LRRC27: variants seen among roughly 807,000 people sequenced by gnomAD.
The protein encoded by LRRC27 is leucine rich repeat containing 27.
Under a neutral mutation model 55.0 loss-of-function variants are expected in LRRC27, and 57 were observed. The ratio of observed to expected loss-of-function variants is 1.04; its 90% CI spans 0.84 to 1.29. The LOEUF is 1.29. LRRC27 is among the 50% of genes most tolerant of loss of function. The probability of loss-of-function intolerance (pLI) is 0.00; values close to 1 mark genes in which losing one functional copy is unlikely to be tolerated. For synonymous variants in LRRC27, 278 were observed against 251.9 expected, an observed-to-expected ratio of 1.10 and a Z score of -0.98; for missense variants, 721 against 651.5, an observed-to-expected ratio of 1.11 and a Z score of -1.16.
chr10:132,375,129 C>T lies in LRRC27; in HGVS notation c.1480C>T (p.Arg494Ter), dbSNP rs199929957. ...GGGATTAACCTTGAACAAAGATCGT[C>T]GACGGGCGGCCCTCACTGGAAACCT... ...KLGLTLNKDR[R>*]RAALTGNLSL... The change falls in exon 11 of 11, where the codon CGA becomes TGA. Residue 494 changes from arginine (R) to a stop codon, truncating the protein, a stop_gained. Transcript: ENST00000368614. LOFTEE classifies it low-confidence loss of function (END_TRUNC). The T allele has an allele frequency of 1.8e-5, 29 of 1,613,986 alleles. No individual in the cohort carries two copies. The highest frequency in any genetic ancestry group is 9.3e-5 in the African/African-American group (7 of 74,932).
chr10:132,345,282 A>C (rs2067624184), intron 5 of LRRC27, among the ~76,000 whole-genome samples: 1 of 152,238 alleles, frequency 6.6e-6, no homozygotes. Flanking sequence ...AGAATATTTA[A>C]AATTTTACTA....
upstream of LRRC27, chr10:132,331,484 C>T (rs2066735612): frequency 1.2e-6 from 2 of 1,612,866 alleles, no homozygotes; most frequent in South Asian, 2.2e-5. Context: ...AGCCTTACTT[C>T]TCCAAAGAGG....
At chr10:132,347,405 C>T (rs568032892) in intron 5 of LRRC27, among the ~76,000 whole-genome samples, 3 of 142,192 alleles carry the variant, frequency 2.1e-5, no homozygotes, top group Admixed American at 7.0e-5. Flanking sequence ...GAAGGTCAGG[C>T]GTGTCTCATG....
chr10:132,365,574 A>T (rs1216500672), intron 10 of LRRC27, 24 bp downstream of exon 10: 18 of 1,608,716 alleles, frequency 1.1e-5, no homozygotes, highest in Non-Finnish European at 1.4e-5. Context: ...GGTTCTGTTT[A>T]AAAAAGTGTG....
At chr10:132,362,227 C>T (rs1040584164) in intron 9 of LRRC27, among the ~76,000 whole-genome samples, 10 of 152,116 alleles carry the variant, frequency 6.6e-5, no homozygotes, top group African/African-American at 1.4e-4. Context: ...TTGTCATCCC[C>T]GGGAAAGGCA....
chr10:132,364,843 C>CT (rs1564855237), intron 9 of LRRC27, among the ~76,000 whole-genome samples: 2 of 115,378 alleles, frequency 1.7e-5, no homozygotes, highest in African/African-American at 2.9e-5. Context: ...CACGCCCACA[C>CT]CCTGGGGCCC....
At chr10:132,330,237 A>G, upstream of LRRC27, 2 of 556,860 alleles carry the variant, frequency 3.6e-6, no homozygotes, top group Non-Finnish European at 6.5e-6. Flanking sequence ...AGCATGAAAA[A>G]TGTGAAACAA....
In LRRC27 at chr10:132,333,554, C is replaced by A; in HGVS notation, c.30C>A (p.Pro10=). The A allele has an allele frequency of 6.2e-7, 1 of 1,609,888 alleles. No individual in the cohort carries two copies. Among genetic ancestry groups the A allele is most frequent in the Non-Finnish European group, 8.5e-7 (1 of 1,178,562 alleles). The change falls in exon 2 of 11, where the codon CCC becomes CCA. Residue 10 remains proline (P), a synonymous_variant. Transcript: ENST00000368614. The part of the protein sequence containing the change: MEGSSSYEV[P]SVAAADLEEG... ...AGGGAAGCAGCTCCTACGAAGTTCC[C>A]TCTGTGGCTGCTGCTGATCTGGAGG...
chr10:132,348,337 A>C lies in LRRC27; in HGVS notation c.907A>C (p.Lys303Gln), dbSNP rs758714604. Reference sequence around the variant, plus strand: ...CTTGAACATTGAGAAAGAACTACCAAAGCCAAGACACGTTTTCAGGTAAAA... The same window carrying C: ...CTTGAACATTGAGAAAGAACTACCACAGCCAAGACACGTTTTCAGGTAAAA... ...AALNIEKELP[K>Q]PRHVFRRKTA... is the part of the protein sequence containing the mutation. Residue 303 changes from lysine (K) to glutamine (Q), a missense_variant, in exon 6 of 11, where the codon AAG (lysine) becomes CAG (glutamine). By Grantham distance (53) the Lys-to-Gln change is moderately conservative. Coordinates refer to ENST00000368614, the MANE Select transcript of LRRC27 (RefSeq NM_030626.3). The surrounding 1 kb of genome is among the most constrained non-coding windows in gnomAD (Gnocchi z 4.2). The C allele has an allele frequency of 6.2e-7, 1 of 1,610,298 alleles. No homozygotes were observed. Among genetic ancestry groups the C allele is most frequent in the South Asian group, 1.1e-5 (1 of 91,012 alleles).
chr10:132,348,236 T>C lies in LRRC27; in HGVS notation c.806T>C (p.Ile269Thr), dbSNP rs2067819793. 1 of 1,613,996 alleles carries C rather than the reference T, an allele frequency of 6.2e-7. No homozygotes were observed. Among genetic ancestry groups the C allele is most frequent in the Non-Finnish European group, 8.5e-7 (1 of 1,180,018 alleles). ...IRRFWKLRQE[I>T]VEHVKADVLG... ...CGCTTTTGGAAGCTGAGGCAGGAGA[T>C]TGTTGAGCACGTGAAGGCAGACGTT... Residue 269 changes from isoleucine (I) to threonine (T), a missense_variant, in exon 6 of 11, where the codon ATT becomes ACT. Transcript: ENST00000368614. This position sits in a 1 kb window ranked among gnomAD's most constrained non-coding sequence, Gnocchi z 4.2.
At chr10:132,336,315 GCACACCCATATACGTGGGGGCA>G (rs931694108) in intron 2 of LRRC27, among the ~76,000 whole-genome samples, 4 of 152,336 alleles carry the variant, frequency 2.6e-5, no homozygotes, top group African/African-American at 4.8e-5. Context: ...TGTGGGGGGT[GCACACCCATATACGTGGGGGCA>G]CACACTGTGA....
Position 132,344,491 on chromosome 10 carries a change from A to T in LRRC27, c.401-7A>T, listed in dbSNP as rs755493687. The T allele has an allele frequency of 1.2e-6, 2 of 1,603,132 alleles. No individual in the cohort carries two copies. Among genetic ancestry groups the T allele is most frequent in the Admixed American group, 1.7e-5 (1 of 58,588 alleles). On this transcript the variant is annotated splice_region_variant and splice_polypyrimidine_tract_variant and intron_variant, in intron 4 of 10. Transcript: ENST00000368614. Reference sequence around the variant, plus strand: ...AATGCTGACAGTTTTTTTTTCCTCCACTGCAGGGAGCGTAACCACGCTGAA... The same window carrying T: ...AATGCTGACAGTTTTTTTTTCCTCCTCTGCAGGGAGCGTAACCACGCTGAA...
chr10:132,372,266 AG>A lies in LRRC27; in HGVS notation c.1417-2799del, dbSNP rs2069237150. On this transcript the variant is annotated intron_variant, in intron 10 of 10. Coordinates refer to ENST00000368614, the MANE Select transcript of LRRC27 (RefSeq NM_030626.3). The surrounding 1 kb of genome is among the most constrained non-coding windows in gnomAD (Gnocchi z 4.0). ...AGCACAGGAAGACAAAACCAACCAC[AG>A]AAGGATGGGAAGTGGGGGTCGGGGT... 6.6e-6 allele frequency among the ~76,000 whole-genome samples: 1 copy of A among 151,056 alleles called. No individual in the cohort carries two copies.
At chr10:132,362,858 C>T (rs1351691405) in intron 9 of LRRC27, among the ~76,000 whole-genome samples, 1 of 143,834 alleles carries the variant, frequency 7.0e-6, no homozygotes, top group Non-Finnish European at 1.5e-5. Context: ...GGTTCATGAA[C>T]CCTCTCACCT....
At chr10:132,364,471 TTA>T (rs1171420988) in intron 9 of LRRC27, among the ~76,000 whole-genome samples, 28 of 41,812 alleles carry the variant, frequency 6.7e-4, no homozygotes, top group Admixed American at 1.6e-3. Flanking sequence ...CCACCCACAC[TTA>T]CACCCACCCA....
At chr10:132,352,452 T>C in intron 7 of LRRC27, among the ~76,000 whole-genome samples, 1 of 53,072 alleles carries the variant, frequency 1.9e-5, no homozygotes, top group African/African-American at 7.7e-5. Context: ...CAGCGCTCCG[T>C]GTGGGGCAGG....
At position 132,365,689 on chromosome 10, in the gene LRRC27, C is replaced by T. The variant is rs112510534; in HGVS notation, c.1416+139C>T. ...CAATCTCGGCTCCCTGCAGCCTCCA[C>T]CTCCCAGGTTCAAGCGATTCTCCTG... On this transcript the variant is annotated intron_variant, in intron 10 of 10. Coordinates refer to ENST00000368614, the MANE Select transcript of LRRC27 (RefSeq NM_030626.3). 4.5e-3 allele frequency: 4,804 copies of T among 1,059,446 alleles called. 27 individuals carry two copies. The highest frequency in any genetic ancestry group is 5.6e-3 in the Non-Finnish European group (4,246 of 756,132). 65.6% of individuals were successfully genotyped at this position (1,059,446 alleles called of 1,614,324 possible).
At chr10:132,357,561 TG>T (rs1380511543) in intron 8 of LRRC27, among the ~76,000 whole-genome samples, 9 of 152,092 alleles carry the variant, frequency 5.9e-5, no homozygotes, top group Non-Finnish European at 1.2e-4. Flanking sequence ...CAGCACAAGT[TG>T]TAGGACAGTG....
At chr10:132,357,055 A>C (rs772534836) in intron 8 of LRRC27, among the ~76,000 whole-genome samples, 2 of 152,228 alleles carry the variant, frequency 1.3e-5, no homozygotes, top group Admixed American at 6.5e-5. Context: ...TCCTTTGTCT[A>C]ACTTTGTATT....
Sources: allele counts gnomAD v4.1 joint callset (sites outside exome capture counted in the v4.1 genomes callset), GRCh38; gene constraint gnomAD v4.1.1; non-coding constraint Gnocchi (gnomAD v3.1); transcripts MANE v1.5; gene names NCBI Gene and HGNC (gene_info 2026-07-23, HGNC 2026-07-21).